The following DACH1 variants were observed in gnomAD, a reference collection of about 807,000 sequenced individuals.
The protein encoded by DACH1 is dachshund homolog 1.
In DACH1, 12 loss-of-function variants were observed where a neutral mutation model predicts 54.2. That is an observed-to-expected ratio of 0.22 (90% CI 0.14 to 0.36). The LOEUF (loss-of-function observed/expected upper bound fraction) is 0.36, where lower values mean the gene tolerates loss of function less well. Ranked by LOEUF, DACH1 falls within the 10% of genes least tolerant of loss-of-function variation. The pLI, the probability that DACH1 is intolerant of heterozygous loss-of-function variation, is 1.00. For missense variants in DACH1, 805 were observed against 929.8 expected (o/e 0.87, Z 1.75); for synonymous variants, 386 against 366.2 (o/e 1.05, Z -0.62).
At position 71,641,050 on chromosome 13, in the gene DACH1, A is replaced by G. The variant is rs545065606; in HGVS notation, c.965-10333T>C. ...GTGCATGTGTAGTTTATTGTTGAGG[A>G]CAGAAAATGACAAAAAAAAACAAAA... On this transcript the variant is annotated intron_variant, in intron 2 of 10. Coordinates refer to ENST00000613252, the MANE Select transcript of DACH1 (RefSeq NM_080759.6). Among the ~76,000 whole-genome samples the G allele has an allele frequency of 2.6e-5, 4 of 151,988 alleles. No individual in the cohort carries two copies. The South Asian group carries it at 6.2e-4, about 24-fold the overall frequency.
intron 2 of DACH1, chr13:71,675,204 G>A: frequency 6.4e-7 from 1 of 1,573,322 alleles, no homozygotes; most frequent in Non-Finnish European, 8.7e-7. Context: ...CTGGTACTGT[G>A]GCGCTCCGTG....
chr13:71,527,212 T>A (rs1054123882), intron 6 of DACH1, among the ~76,000 whole-genome samples: 3 of 151,822 alleles, frequency 2.0e-5, no homozygotes, highest in African/African-American at 7.2e-5. Flanking sequence ...TAAATTAAAA[T>A]ATCTTTGGTT....
intron 6 of DACH1, among the ~76,000 whole-genome samples, chr13:71,534,653 A>G (rs1566322384): frequency 6.6e-6 from 1 of 151,726 alleles, no homozygotes; most frequent in African/African-American, 2.4e-5. Context: ...ATAAAATATA[A>G]TTTTAAATCT....
intron 6 of DACH1, among the ~76,000 whole-genome samples, chr13:71,499,166 A>G (rs952190945): frequency 7.5e-6 from 1 of 133,716 alleles, no homozygotes; most frequent in Non-Finnish European, 1.6e-5. Context: ...CACTGATTTA[A>G]CTTTCAAATA....
At chr13:71,862,334 G>A (rs188165794) in intron 1 of DACH1, among the ~76,000 whole-genome samples, 1 of 152,108 alleles carries the variant, frequency 6.6e-6, no homozygotes, top group East Asian at 1.9e-4. Context: ...ATTTGACCAT[G>A]TACATAATTA....
chr13:71,686,595 T>C (rs1881177165), intron 1 of DACH1, among the ~76,000 whole-genome samples: 1 of 152,200 alleles, frequency 6.6e-6, no homozygotes, highest in South Asian at 2.1e-4. Context: ...GCAAGAGATG[T>C]TAGAGTACTT....
chr13:71,766,506 T>G (rs1439435598), intron 1 of DACH1, among the ~76,000 whole-genome samples: 1 of 152,208 alleles, frequency 6.6e-6, no homozygotes, highest in South Asian at 2.1e-4. Flanking sequence ...TTAGCCCTGA[T>G]CCCAGTGATT....
chr13:71,840,355 A>G (rs1408891), intron 1 of DACH1, among the ~76,000 whole-genome samples: 9,064 of 152,212 alleles, frequency 0.06, 716 homozygotes, highest in African/African-American at 0.18. Context: ...TCCCCTAATT[A>G]AAAATCTTCC....
chr13:71,471,207 G>A (rs1877039700), intron 10 of DACH1, among the ~76,000 whole-genome samples: 1 of 151,720 alleles, frequency 6.6e-6, no homozygotes, highest in South Asian at 2.1e-4. Flanking sequence ...GAGTGAGGGA[G>A]GGAAATGTCA....
At chr13:71,802,441 T>G (rs185320580) in intron 1 of DACH1, among the ~76,000 whole-genome samples, 2 of 152,184 alleles carry the variant, frequency 1.3e-5, no homozygotes, top group East Asian at 3.9e-4. Context: ...GCATATTTAA[T>G]CTGTTCTGGT....
intron 1 of DACH1, among the ~76,000 whole-genome samples, chr13:71,784,924 TC>T (rs1886529826): frequency 6.6e-6 from 1 of 152,170 alleles, no homozygotes; most frequent in Non-Finnish European, 1.5e-5. Context: ...GACTATTCTT[TC>T]TCAGTCTATA....
At chr13:71,809,636 T>G (rs186064817) in intron 1 of DACH1, among the ~76,000 whole-genome samples, 1 of 152,318 alleles carries the variant, frequency 6.6e-6, no homozygotes, top group East Asian at 1.9e-4. Flanking sequence ...CAATTTCTTA[T>G]TTTTTCCAAA....
At chr13:71,643,030 A>T (rs974242313) in intron 2 of DACH1, among the ~76,000 whole-genome samples, 1 of 152,142 alleles carries the variant, frequency 6.6e-6, no homozygotes, top group African/African-American at 2.4e-5. Flanking sequence ...ATCTCAAAAA[A>T]AAAAATTACA....
intron 2 of DACH1, among the ~76,000 whole-genome samples, chr13:71,634,812 G>A (rs923385748): frequency 5.9e-5 from 9 of 152,180 alleles, no homozygotes; most frequent in Non-Finnish European, 1.2e-4. Context: ...CTCAGCCCTA[G>A]CATCTGAGAT....
intron 3 of DACH1, among the ~76,000 whole-genome samples, chr13:71,605,617 G>A (rs540865503): frequency 1.7e-3 from 254 of 151,902 alleles, no homozygotes; most frequent in Non-Finnish European, 2.9e-3. Context: ...TTTTATCAAA[G>A]AATGTTTTCA....
chr13:71,662,928 T>A (rs1050558416), intron 2 of DACH1, among the ~76,000 whole-genome samples: 11 of 152,130 alleles, frequency 7.2e-5, no homozygotes, highest in African/African-American at 2.6e-4. Context: ...TATAGATTAC[T>A]GAGTGGCAAT....
At chr13:71,675,437 T>C (rs1413867253) in intron 2 of DACH1, 1 of 1,443,382 alleles carries the variant, frequency 6.9e-7, no homozygotes, top group African/African-American at 1.4e-5. Flanking sequence ...CCAAAAGACA[T>C]CCAGCTAGCA....
At chr13:71,463,532 T>C (rs1876287481) in intron 10 of DACH1, among the ~76,000 whole-genome samples, 1 of 151,966 alleles carries the variant, frequency 6.6e-6, no homozygotes, top group Non-Finnish European at 1.5e-5. Flanking sequence ...CATAAAAAGA[T>C]TGCTGTCACG....
At chr13:71,745,366 C>A (rs1884560439) in intron 1 of DACH1, among the ~76,000 whole-genome samples, 1 of 152,162 alleles carries the variant, frequency 6.6e-6, no homozygotes, top group Non-Finnish European at 1.5e-5. Flanking sequence ...ATCATCCAAA[C>A]TTTAGTATGC....
Sources: gnomAD v4.1 joint callset for allele counts (sites outside exome capture counted in the v4.1 genomes callset) on GRCh38, gnomAD v4.1.1 for gene constraint, MANE v1.5 for transcripts, NCBI Gene and HGNC (gene_info 2026-07-23, HGNC 2026-07-21) for gene names.